Variants in THRAP3 observed in about 807,000 individuals in gnomAD.
The protein encoded by THRAP3 is thyroid hormone receptor-associated protein 3.
A neutral mutation model predicts 101.0 loss-of-function variants in THRAP3; 16 were observed. The ratio of observed to expected loss-of-function variants is 0.16; its 90% CI spans 0.11 to 0.24. The LOEUF is 0.24. Ranked by LOEUF, THRAP3 falls within the 10% of genes least tolerant of loss-of-function variation. The pLI is 1.00. For synonymous variants in THRAP3, 407 were observed against 422.6 expected (o/e 0.96, Z 0.45); for missense variants, 989 against 1,202.7 (o/e 0.82, Z 2.63).
At position 36,289,205 on chromosome 1, in the gene THRAP3, A is replaced by C; in HGVS notation, c.1186A>C (p.Lys396Gln). 6.2e-7 allele frequency: 1 copy of C among 1,614,210 alleles called. No homozygotes were observed. Among genetic ancestry groups the C allele is most frequent in the East Asian group, 2.2e-5 (1 of 44,894 alleles). ...AATGAAATCTGATTCTTTTGCTCCC[A>C]AAACTGATTCTGAGAAGCCTTTTCG... Reference protein sequence around the residue: ...GKMKSDSFAPKTDSEKPFRGS... With the variant: ...GKMKSDSFAPQTDSEKPFRGS... The change falls in exon 5 of 12, where the codon AAA becomes CAA. Residue 396 changes from lysine to glutamine, a missense_variant. Lys to Gln is a moderately conservative substitution (Grantham distance 53). Coordinates refer to ENST00000354618, the MANE Select transcript of THRAP3 (RefSeq NM_005119.4).
At chr1:36,239,084 CA>C (rs1473621221) in intron 1 of THRAP3, among the ~76,000 whole-genome samples, 1 of 151,650 alleles carries the variant, frequency 6.6e-6, no homozygotes. Flanking sequence ...CAGGTGCCCA[CA>C]ACCACACCCG....
intron 1 of THRAP3, among the ~76,000 whole-genome samples, chr1:36,248,574 A>G (rs763858958): frequency 6.6e-6 from 1 of 150,980 alleles, no homozygotes; most frequent in Non-Finnish European, 1.5e-5. Flanking sequence ...CCGAGTAGCT[A>G]GGACTACAGG....
upstream of THRAP3, among the ~76,000 whole-genome samples, chr1:36,222,266 A>ATT (rs1247031957): frequency 1.3e-5 from 2 of 152,158 alleles, no homozygotes; most frequent in Admixed American, 6.5e-5. Context: ...AGTGCACACA[A>ATT]TAGACTACAG....
intron 1 of THRAP3, among the ~76,000 whole-genome samples, chr1:36,230,175 A>G (rs558376787): frequency 1.3e-5 from 2 of 148,304 alleles, no homozygotes; most frequent in African/African-American, 2.5e-5. Context: ...CTGGAGTGCA[A>G]TGGCTCGATC....
intron 2 of THRAP3, among the ~76,000 whole-genome samples, chr1:36,267,128 C>A (rs1424031740): frequency 6.6e-6 from 1 of 152,102 alleles, no homozygotes; most frequent in Non-Finnish European, 1.5e-5. Context: ...AGGTGATCCA[C>A]CCGCCTCGGC....
chr1:36,219,166 C>T, the THRAP3 span, among the ~76,000 whole-genome samples: 1 of 152,062 alleles, frequency 6.6e-6, no homozygotes, highest in Non-Finnish European at 1.5e-5. Context: ...CACAGCATTC[C>T]CATAAACAAA....
intron 4 of THRAP3, 180 bp downstream of exon 4, chr1:36,287,450 T>C: frequency 3.0e-6 from 3 of 985,336 alleles, no homozygotes; most frequent in Middle Eastern, 1.0e-3. Context: ...ACTCTAGCTT[T>C]CCTACCTTCC....
intron 2 of THRAP3, among the ~76,000 whole-genome samples, chr1:36,273,300 A>G (rs1286846714): frequency 5.9e-5 from 9 of 152,262 alleles, no homozygotes; most frequent in African/African-American, 1.7e-4. Context: ...GCAGGCTCAC[A>G]TGGAGTCAGT....
At position 36,289,699 on chromosome 1, in the gene THRAP3, C is replaced by T; in HGVS notation, c.1680C>T (p.Ser560=). ...GAGATTTTCCCACAGGAAAGTCTTC[C>T]TTTTCCATTACTCGAGAGGCACAGG... The part of the protein sequence containing the change: ...AKGDFPTGKS[S]FSITREAQVN... Residue 560 remains serine, a synonymous_variant, in exon 5 of 12, where the codon TCC becomes TCT. Coordinates refer to ENST00000354618, the MANE Select transcript of THRAP3 (RefSeq NM_005119.4). The T allele has an allele frequency of 6.2e-7, 1 of 1,614,088 alleles. No individual in the cohort carries two copies. The highest frequency in any genetic ancestry group is 8.5e-7 in the Non-Finnish European group (1 of 1,179,998).
chr1:36,239,125 C>T (rs1570241419), intron 1 of THRAP3, among the ~76,000 whole-genome samples: 1 of 150,832 alleles, frequency 6.6e-6, no homozygotes, highest in South Asian at 2.1e-4. Context: ...AGGATGGTCT[C>T]GATCTCCTGA....
chr1:36,243,099 T>C (rs564155853), intron 1 of THRAP3, among the ~76,000 whole-genome samples: 44 of 150,594 alleles, frequency 2.9e-4, no homozygotes, highest in Non-Finnish European at 7.4e-5. Flanking sequence ...GGCAAGCTGC[T>C]AATGTTGCTT....
Position 36,286,299 on chromosome 1 carries a change from C to A in THRAP3, c.138-69C>A. 1 of 1,463,740 alleles carries A rather than the reference C, an allele frequency of 6.8e-7. No homozygotes were observed. The highest frequency in any genetic ancestry group is 1.4e-5 in the African/African-American group (1 of 70,616). The allele number at this position is 1,463,740 out of a possible 1,614,324, so 90.7% of individuals were successfully genotyped here. On this transcript the variant is annotated intron_variant, in intron 3 of 11. Coordinates refer to ENST00000354618, the MANE Select transcript of THRAP3 (RefSeq NM_005119.4). This position sits in a 1 kb window ranked among gnomAD's most constrained non-coding sequence, Gnocchi z 5.5. ...ACACATAAGGGCAGGGATTTCAGAA[C>A]AGATTTTTCTTGAATAAAAATGCTT...
intron 9 of THRAP3, among the ~76,000 whole-genome samples, chr1:36,299,571 G>T (rs548980689): frequency 6.6e-6 from 1 of 150,812 alleles, no homozygotes; most frequent in Non-Finnish European, 1.5e-5. Context: ...TATGATCTCG[G>T]CTCACTGCAA....
At chr1:36,239,879 A>G (rs1474077853) in intron 1 of THRAP3, among the ~76,000 whole-genome samples, 2 of 152,196 alleles carry the variant, frequency 1.3e-5, no homozygotes, top group Non-Finnish European at 2.9e-5. Flanking sequence ...ATAAAATTTT[A>G]TCATCTTAAT....
At chr1:36,274,086 A>T (rs1468328232) in intron 2 of THRAP3, among the ~76,000 whole-genome samples, 1 of 126,926 alleles carries the variant, frequency 7.9e-6, no homozygotes. Context: ...TCACACACAC[A>T]CACACACACA....
chr1:36,215,911 G>A, the THRAP3 span, among the ~76,000 whole-genome samples: 3 of 151,732 alleles, frequency 2.0e-5, no homozygotes, highest in East Asian at 1.9e-4. Flanking sequence ...CATCACGCCC[G>A]GCTAATTTTG....
At chr1:36,272,562 G>C (rs1463380862) in intron 2 of THRAP3, among the ~76,000 whole-genome samples, 2 of 152,176 alleles carry the variant, frequency 1.3e-5, no homozygotes, top group African/African-American at 4.8e-5. Context: ...CCTGAGCTCA[G>C]CTTTCCTCCC....
intron 2 of THRAP3, among the ~76,000 whole-genome samples, chr1:36,259,966 G>C (rs1645423644): frequency 6.6e-6 from 1 of 152,142 alleles, no homozygotes; most frequent in African/African-American, 2.4e-5. Context: ...TTGGGGGCCA[G>C]GCGTGGTGGC....
At chr1:36,238,741 C>A (rs1360774782) in intron 1 of THRAP3, among the ~76,000 whole-genome samples, 3 of 152,008 alleles carry the variant, frequency 2.0e-5, no homozygotes, top group African/African-American at 7.2e-5. Flanking sequence ...GGTCTTATTT[C>A]ATTGCCCAGG....
Sources: allele counts gnomAD v4.1 joint callset (sites outside exome capture counted in the v4.1 genomes callset), GRCh38; gene constraint gnomAD v4.1.1; non-coding constraint Gnocchi (gnomAD v3.1); transcripts MANE v1.5; gene names NCBI Gene and HGNC (gene_info 2026-07-23, HGNC 2026-07-21).